Variants in SOAT1 observed in about 807,000 individuals in gnomAD.
The protein encoded by SOAT1 is acyl-coenzyme A:cholesterol acyltransferase 1.
A neutral mutation model predicts 69.5 loss-of-function variants in SOAT1; 55 were observed. The ratio of observed to expected loss-of-function variants is 0.79; its 90% CI spans 0.64 to 0.99. The LOEUF (loss-of-function observed/expected upper bound fraction) is 0.99, where lower values mean the gene tolerates loss of function less well. Among genes scored for constraint, SOAT1 ranks in the 50% least tolerant of loss-of-function variants. SOAT1 has a pLI of 0.00. For synonymous variants in SOAT1, 231 were observed against 224.7 expected, an observed-to-expected ratio of 1.03 and a Z score of -0.25; for missense variants, 580 against 669.3, an observed-to-expected ratio of 0.87 and a Z score of 1.47.
At chr1:179,318,889 A>G (rs1665490762) in intron 2 of SOAT1, among the ~76,000 whole-genome samples, 4 of 152,088 alleles carry the variant, frequency 2.6e-5, no homozygotes, top group Admixed American at 2.6e-4. Context: ...TTCTATTATT[A>G]TGACTAATGC....
chr1:179,301,156 C>T (rs928518023), intron 1 of SOAT1, among the ~76,000 whole-genome samples: 4 of 152,122 alleles, frequency 2.6e-5, no homozygotes, highest in Non-Finnish European at 5.9e-5. Context: ...CAGACTCAAA[C>T]TCCTGGGTTC....
chr1:179,341,617 C>G (rs937667221), intron 7 of SOAT1, among the ~76,000 whole-genome samples: 1 of 151,440 alleles, frequency 6.6e-6, no homozygotes, highest in Non-Finnish European at 1.5e-5. Context: ...TCACTGCAAC[C>G]CCTGCCTCCC....
chr1:179,350,806 A>G (rs1666698524), intron 14 of SOAT1, among the ~76,000 whole-genome samples: 1 of 152,192 alleles, frequency 6.6e-6, no homozygotes, highest in Non-Finnish European at 1.5e-5. Context: ...TGAATATTCT[A>G]ATTCCATGAA....
intron 2 of SOAT1, among the ~76,000 whole-genome samples, chr1:179,312,494 C>T (rs374475339): frequency 5.3e-5 from 8 of 152,196 alleles, no homozygotes; most frequent in African/African-American, 1.2e-4. Flanking sequence ...ACAGACTTCT[C>T]GTGTCTCATT....
At chr1:179,324,948 A>G (rs1204157029) in intron 3 of SOAT1, among the ~76,000 whole-genome samples, 1 of 151,150 alleles carries the variant, frequency 6.6e-6, no homozygotes, top group Non-Finnish European at 1.5e-5. Flanking sequence ...GACTACAGGC[A>G]CATGCCACCA....
At chr1:179,298,187 G>A (rs537521812) in intron 1 of SOAT1, among the ~76,000 whole-genome samples, 33 of 151,736 alleles carry the variant, frequency 2.2e-4, no homozygotes, top group African/African-American at 7.5e-4. Flanking sequence ...GGGTTCAAGC[G>A]ATTCTTCTGC....
At chr1:179,350,715 C>T (rs1558060457) in intron 14 of SOAT1, among the ~76,000 whole-genome samples, 2 of 152,138 alleles carry the variant, frequency 1.3e-5, no homozygotes, top group Admixed American at 1.3e-4. Context: ...AAACAGCTTT[C>T]CCATTCGTAA....
At chr1:179,344,915 G>A (rs369928458) in intron 10 of SOAT1, 32 bp from the exon 11 acceptor site, 80 of 1,611,444 alleles carry the variant, frequency 5.0e-5, no homozygotes, top group South Asian at 1.1e-4. Context: ...TTAAGCCATC[G>A]TTATTATAAT....
Position 179,345,033 on chromosome 1 carries a change from C to T in SOAT1, c.1074C>T (p.Ser358=), listed in dbSNP as rs201896738. The change falls in exon 11 of 16, where the codon AGC becomes AGT. Residue 358 remains serine, a synonymous_variant. Transcript: ENST00000367619. The part of the protein sequence containing the change: ...LFRNIKQEPF[S]ARVLVLCVFN... ...GGAATATCAAACAGGAGCCCTTCAG[C>T]GCTCGTGTTCTGGTCCTATGTGTAT... 64 of 1,613,846 alleles carry T rather than the reference C, an allele frequency of 4.0e-5. No homozygotes were observed. The highest frequency in any genetic ancestry group is 2.9e-4 in the South Asian group (26 of 91,082).
chr1:179,323,497 C>A lies in SOAT1; in HGVS notation c.177+2C>A. ...ATAAAGTTGACAGCAGAGGCAGAGG[C>A]AAGTAACTCCCTCTTCTAGAAACAA... On this transcript the variant is annotated splice_donor_variant, in intron 3 of 15. Transcript: ENST00000367619. LOFTEE classifies it high-confidence loss of function. The A allele has an allele frequency of 1.2e-6, 2 of 1,612,342 alleles. No individual in the cohort carries two copies. The highest frequency in any genetic ancestry group is 2.2e-5 in the South Asian group (2 of 90,940).
intron 1 of SOAT1, chr1:179,294,423 G>T (rs1664558827): frequency 6.6e-6 from 1 of 152,180 alleles, no homozygotes; most frequent in African/African-American, 2.4e-5. Flanking sequence ...TTTTCCCTAA[G>T]TGTTAATGGT....
Position 179,312,340 on chromosome 1 carries a change from C to A in SOAT1, c.118+9538C>A, listed in dbSNP as rs145839590. Among the ~76,000 whole-genome samples, 11 of 152,154 alleles carry A rather than the reference C, an allele frequency of 7.2e-5. No individual in the cohort carries two copies. The East Asian group carries it at 2.1e-3, about 29-fold the overall frequency. On this transcript the variant is annotated intron_variant, in intron 2 of 15. Transcript: ENST00000367619. The stretch of plus-strand genomic sequence containing the variant: ...GGAAATTGGTGGTGGTGATAAGGGA[C>A]AGATAGAAATAATGACAGAGGGTTA...
chr1:179,323,320 G>A (rs1665671461), intron 2 of SOAT1, 117 bp from the exon 3 acceptor site: 1 of 733,540 alleles, frequency 1.4e-6, no homozygotes, highest in Non-Finnish European at 2.2e-6. Flanking sequence ...TTTTATGGTT[G>A]CACCACAGTT....
Position 179,335,647 on chromosome 1 carries a change from C to A in SOAT1, c.319C>A (p.His107Asn), listed in dbSNP as rs769913020. The A allele has an allele frequency of 1.2e-6, 2 of 1,612,084 alleles. No homozygotes were observed. Among genetic ancestry groups the A allele is most frequent in the Non-Finnish European group, 1.7e-6 (2 of 1,179,128 alleles). Residue 107 changes from histidine (H) to asparagine (N), a missense_variant, in exon 4 of 16, where the codon CAT becomes AAT. His to Asn is a moderately conservative substitution (Grantham distance 68). Transcript: ENST00000367619. ...TGTTCTTGAAGGAGAGAAAAACAAC[C>A]ATAGAGCGAAGTAAGTATGTGCTAT... ...FSVLEGEKNN[H>N]RAKDLRAPPE...
chr1:179,337,983 G>A, intron 5 of SOAT1, 87 bp downstream of exon 5: 1 of 874,960 alleles, frequency 1.1e-6, no homozygotes, highest in Non-Finnish European at 1.7e-6. Context: ...GACATGTAAT[G>A]AGTTCTGTAT....
At chr1:179,319,927 T>C (rs560360945) in intron 2 of SOAT1, among the ~76,000 whole-genome samples, 11 of 152,290 alleles carry the variant, frequency 7.2e-5, no homozygotes, top group Non-Finnish European at 1.3e-4. Context: ...ATTTGTCTTT[T>C]TAATGTTGAG....
At chr1:179,350,552 ACTT>A (rs1013010386) in intron 14 of SOAT1, 121 bp downstream of exon 14, 2 of 867,786 alleles carry the variant, frequency 2.3e-6, no homozygotes, top group South Asian at 1.8e-5. Flanking sequence ...TTAAGGTAGT[ACTT>A]CTTTATCAGA....
Position 179,356,854 on chromosome 1 carries a change from G to GTT in SOAT1, c.*3225_*3226dup, listed in dbSNP as rs372630515. 4.3e-3 allele frequency: 595 copies of GTT among 138,876 alleles called. No individual in the cohort carries two copies. The highest frequency in any genetic ancestry group is 4.8e-3 in the African/African-American group (177 of 36,572). The allele number at this position is 138,876 out of a possible 1,614,324, so 8.6% of individuals were successfully genotyped here. Reference sequence around the variant, plus strand: ...ACCACCACACCCAGCTAATTTATTTGTTTTTTTTTTTTTAGAGATGGGGGG... The same window carrying GTT: ...ACCACCACACCCAGCTAATTTATTTGTTTTTTTTTTTTTTTAGAGATGGGGGG... On this transcript the variant is annotated 3_prime_UTR_variant, in exon 16 of 16. Coordinates refer to ENST00000367619, the MANE Select transcript of SOAT1 (RefSeq NM_003101.6).
At chr1:179,342,507 C>G (rs1273858372) in intron 8 of SOAT1, among the ~76,000 whole-genome samples, 1 of 152,000 alleles carries the variant, frequency 6.6e-6, no homozygotes, top group East Asian at 1.9e-4. Flanking sequence ...TGTTTCCTGA[C>G]TATTCCGGCT....
Sources: allele counts gnomAD v4.1 joint callset (sites outside exome capture counted in the v4.1 genomes callset), GRCh38; gene constraint gnomAD v4.1.1; transcripts MANE v1.5; gene names NCBI Gene and HGNC (gene_info 2026-07-23, HGNC 2026-07-21).